GALNT13: variants seen among roughly 807,000 people sequenced by gnomAD.
GALNT13 encodes UDP-GalNAc:polypeptide N-acetylgalactosaminyltransferase 13.
In GALNT13, 28 loss-of-function variants were observed where a neutral mutation model predicts 64.2. The observed-to-expected ratio is 0.44, with a 90% confidence interval of 0.32 to 0.60. The LOEUF (loss-of-function observed/expected upper bound fraction) is 0.60, where lower values mean the gene tolerates loss of function less well. Among genes scored for constraint, GALNT13 ranks in the 20% least tolerant of loss-of-function variants. The pLI is 0.05. For missense variants in GALNT13, 577 were observed against 669.8 expected, an observed-to-expected ratio of 0.86 and a Z score of 1.53; for synonymous variants, 214 against 224.6, an observed-to-expected ratio of 0.95 and a Z score of 0.42.
chr2:154,152,866 T>A (rs1311850160), intron 4 of GALNT13, among the ~76,000 whole-genome samples: 1 of 152,142 alleles, frequency 6.6e-6, no homozygotes, highest in Non-Finnish European at 1.5e-5. Flanking sequence ...CTTCTTTGCC[T>A]TTGGTTTGAA....
chr2:154,242,587 A>C (rs1352354361), intron 5 of GALNT13, 111 bp from the exon 6 acceptor site: 5 of 671,588 alleles, frequency 7.4e-6, no homozygotes, highest in Non-Finnish European at 1.3e-5. Context: ...GTAAATACTG[A>C]TAGGAATTGG....
At chr2:154,420,629 G>T (rs910069337) in intron 11 of GALNT13, among the ~76,000 whole-genome samples, 1 of 151,956 alleles carries the variant, frequency 6.6e-6, no homozygotes, top group Non-Finnish European at 1.5e-5. Context: ...GAATATTAAG[G>T]TCTTTCGAAA....
At chr2:153,383,349 T>TAG in the GALNT13 span, among the ~76,000 whole-genome samples, 1 of 152,068 alleles carries the variant, frequency 6.6e-6, no homozygotes, top group Admixed American at 6.6e-5. Flanking sequence ...CTGTTGAACT[T>TAG]ACAGACACAT....
intron 3 of GALNT13, among the ~76,000 whole-genome samples, chr2:153,975,987 A>G (rs1694052425): frequency 2.0e-5 from 3 of 152,120 alleles, no homozygotes; most frequent in Non-Finnish European, 4.4e-5. Context: ...AGCTGGGGGA[A>G]AAAGAAAAAT....
chr2:153,636,207 G>T, the GALNT13 span, among the ~76,000 whole-genome samples: 1 of 152,028 alleles, frequency 6.6e-6, no homozygotes, highest in Admixed American at 6.6e-5. Context: ...GTCACATTTT[G>T]AAGGGGAAAA....
At chr2:153,822,973 C>T in the GALNT13 span, among the ~76,000 whole-genome samples, 1 of 152,004 alleles carries the variant, frequency 6.6e-6, no homozygotes, top group East Asian at 1.9e-4. Flanking sequence ...TTATATAGAT[C>T]AATAATGTTC....
chr2:153,246,503 T>G, the GALNT13 span, among the ~76,000 whole-genome samples: 1 of 152,274 alleles, frequency 6.6e-6, no homozygotes, highest in African/African-American at 2.4e-5. Flanking sequence ...TCAACATTCT[T>G]AAAGAAAACA....
At chr2:154,350,992 A>G (rs1168576838) in intron 9 of GALNT13, among the ~76,000 whole-genome samples, 1 of 152,160 alleles carries the variant, frequency 6.6e-6, no homozygotes, top group African/African-American at 2.4e-5. Flanking sequence ...AGATTAAGGT[A>G]GGTATGGGAA....
intron 4 of GALNT13, among the ~76,000 whole-genome samples, chr2:154,153,169 G>T (rs900922474): frequency 2.6e-5 from 4 of 152,190 alleles, no homozygotes; most frequent in African/African-American, 9.7e-5. Context: ...CTTAGCTGCA[G>T]GTCTGTTGGA....
At chr2:153,861,565 T>C in the GALNT13 span, among the ~76,000 whole-genome samples, 12 of 7,082 alleles carry the variant, frequency 1.7e-3, no homozygotes, top group East Asian at 4.9e-3. Context: ...CTTTCTTTTT[T>C]TTTTTTTTTT....
chr2:153,301,093 G>C, the GALNT13 span, among the ~76,000 whole-genome samples: 203 of 151,974 alleles, frequency 1.3e-3, no homozygotes, highest in Non-Finnish European at 2.3e-3. Context: ...CCACTCAGGG[G>C]CCTGAGGTGG....
chr2:153,405,190 C>T, the GALNT13 span, among the ~76,000 whole-genome samples: 1 of 152,280 alleles, frequency 6.6e-6, no homozygotes, highest in African/African-American at 2.4e-5. Context: ...AGAGTGGCAG[C>T]TGTTAACATA....
the GALNT13 span, among the ~76,000 whole-genome samples, chr2:153,372,101 G>A: frequency 7.9e-5 from 12 of 152,278 alleles, no homozygotes; most frequent in African/African-American, 2.9e-4. Flanking sequence ...GACTTAGTGT[G>A]TGTTGAAATA....
At chr2:153,082,629 A>ACG in the GALNT13 span, among the ~76,000 whole-genome samples, 1 of 39,232 alleles carries the variant, frequency 2.5e-5, no homozygotes, top group Non-Finnish European at 5.5e-5. Flanking sequence ...ACACACACAC[A>ACG]CACACACACA....
intron 3 of GALNT13, among the ~76,000 whole-genome samples, chr2:153,961,837 A>G (rs546548942): frequency 6.6e-6 from 1 of 152,312 alleles, no homozygotes; most frequent in East Asian, 1.9e-4. Flanking sequence ...AGTAGAAATT[A>G]TTGTAATTAA....
chr2:153,177,694 A>G, the GALNT13 span, among the ~76,000 whole-genome samples: 5 of 152,146 alleles, frequency 3.3e-5, no homozygotes, highest in African/African-American at 1.2e-4. Context: ...ACATATCTAT[A>G]ACTTCAAATA....
At chr2:153,118,122 C>A in the GALNT13 span, among the ~76,000 whole-genome samples, 1 of 145,288 alleles carries the variant, frequency 6.9e-6, no homozygotes, top group Non-Finnish European at 1.5e-5. Flanking sequence ...CACACACACA[C>A]ACACACACAC....
the GALNT13 span, among the ~76,000 whole-genome samples, chr2:153,493,289 G>C: frequency 1.3e-5 from 2 of 151,936 alleles, no homozygotes; most frequent in African/African-American, 2.4e-5. Flanking sequence ...GTTTCACAGA[G>C]AGAGAGAAAA....
At chr2:153,661,282 A>C in the GALNT13 span, among the ~76,000 whole-genome samples, 26,200 of 151,972 alleles carry the variant, frequency 0.17, 2,798 homozygotes, top group Non-Finnish European at 0.23. Flanking sequence ...GATATATAAA[A>C]ATTTTATGAT....
Sources: gnomAD v4.1 joint callset for allele counts (sites outside exome capture counted in the v4.1 genomes callset) on GRCh38, gnomAD v4.1.1 for gene constraint, MANE v1.5 for transcripts, NCBI Gene and HGNC (gene_info 2026-07-23, HGNC 2026-07-21) for gene names.